SLCO1B3: variants seen among roughly 807,000 people sequenced by gnomAD.
The protein encoded by SLCO1B3 is solute carrier organic anion transporter family member 1B3.
A neutral mutation model predicts 71.8 loss-of-function variants in SLCO1B3; 72 were observed. The ratio of observed to expected loss-of-function variants is 1.00; its 90% CI spans 0.83 to 1.22. SLCO1B3 has a LOEUF of 1.22. Ranked by LOEUF, SLCO1B3 falls within the 50% of genes most tolerant of loss-of-function variation. The pLI is 0.00. For missense variants in SLCO1B3, 911 were observed against 819.7 expected, an observed-to-expected ratio of 1.11 and a Z score of -1.36; for synonymous variants, 298 against 278.4, an observed-to-expected ratio of 1.07 and a Z score of -0.70.
At chr12:20,840,189 T>A (rs567719693) in intron 3 of SLCO1B3, among the ~76,000 whole-genome samples, 2 of 152,306 alleles carry the variant, frequency 1.3e-5, no homozygotes, top group Admixed American at 1.3e-4. Flanking sequence ...TCTAATTGTG[T>A]TATTTGCCTT....
At chr12:20,850,753 C>G (rs935675580) in intron 3 of SLCO1B3, among the ~76,000 whole-genome samples, 3 of 152,078 alleles carry the variant, frequency 2.0e-5, no homozygotes, top group Admixed American at 6.5e-5. Context: ...TGAGAACGTG[C>G]AATATTTGAT....
At chr12:20,905,579 T>C (rs1290331034) in intron 15 of SLCO1B3, among the ~76,000 whole-genome samples, 1 of 152,172 alleles carries the variant, frequency 6.6e-6, no homozygotes, top group East Asian at 1.9e-4. Flanking sequence ...ATCATCTCTC[T>C]CAAGTTGAAA....
chr12:20,824,879 A>G (rs1864388347), intron 3 of SLCO1B3, among the ~76,000 whole-genome samples: 1 of 152,178 alleles, frequency 6.6e-6, no homozygotes, highest in Admixed American at 6.5e-5. Context: ...GAAGTTTAAA[A>G]TACTTAATAT....
At chr12:20,914,619 T>C (rs1054463724) in intron 15 of SLCO1B3, among the ~76,000 whole-genome samples, 3 of 152,162 alleles carry the variant, frequency 2.0e-5, no homozygotes, top group African/African-American at 7.2e-5. Context: ...TTCTTCCATC[T>C]TTATGTATAT....
chr12:20,845,837 T>C (rs1864907437), intron 3 of SLCO1B3, among the ~76,000 whole-genome samples: 1 of 152,184 alleles, frequency 6.6e-6, no homozygotes, highest in Non-Finnish European at 1.5e-5. Context: ...CCACTATAAT[T>C]GTGTTGCTGT....
chr12:20,879,477 G>A lies in SLCO1B3; in HGVS notation c.1177G>A (p.Gly393Arg). 3 of 1,610,200 alleles carry A rather than the reference G, an allele frequency of 1.9e-6. No homozygotes were observed. Among genetic ancestry groups the A allele is most frequent in the African/African-American group, 1.3e-5 (1 of 74,758 alleles). The change falls in exon 11 of 16, where the codon GGA becomes AGA. Residue 393 changes from glycine (G) to arginine (R), a missense_variant. Coordinates refer to ENST00000381545, the MANE Select transcript of SLCO1B3 (RefSeq NM_019844.4). The part of the protein sequence containing the change: ...IPTVATGMFL[G>R]GFIIKKFKLS... ...TACGGTTGCAACTGGAATGTTTTTA[G>A]GAGGATTTATCATTAAAAAATTCAA...
intron 3 of SLCO1B3, among the ~76,000 whole-genome samples, chr12:20,831,106 C>T (rs1403137754): frequency 7.2e-5 from 11 of 152,084 alleles, no homozygotes; most frequent in Admixed American, 7.2e-4. Context: ...CACCTGTAAT[C>T]CCAGCACTTT....
chr12:20,857,756 G>A (rs1166328874), intron 4 of SLCO1B3, among the ~76,000 whole-genome samples: 1 of 151,986 alleles, frequency 6.6e-6, no homozygotes, highest in African/African-American at 2.4e-5. Flanking sequence ...TTTTCCATCA[G>A]TGTTCAATAA....
chr12:20,901,634 A>G (rs1412103609), intron 15 of SLCO1B3, among the ~76,000 whole-genome samples, 167 bp downstream of exon 15: 1 of 152,200 alleles, frequency 6.6e-6, no homozygotes, highest in African/African-American at 2.4e-5. Context: ...TCATTTTAAT[A>G]CTCATAGAAA....
Position 20,825,288 on chromosome 12 carries a change from G to A in SLCO1B3, c.84+9466G>A, listed in dbSNP as rs139232265. 2.1e-3 allele frequency among the ~76,000 whole-genome samples: 318 copies of A among 152,130 alleles called. 4 individuals carry two copies. The highest frequency in any genetic ancestry group is 7.3e-3 in the African/African-American group (305 of 41,504). On this transcript the variant is annotated intron_variant, in intron 3 of 15. Transcript: ENST00000381545. ...GAACTAAGTTTATCTCTCAAAATTGGCCCTTATAATTTCACAGACGCATGT... is the reference window on the plus strand; with the variant it reads ...GAACTAAGTTTATCTCTCAAAATTGACCCTTATAATTTCACAGACGCATGT...
At chr12:20,837,558 A>T (rs1252449621) in intron 3 of SLCO1B3, among the ~76,000 whole-genome samples, 2 of 151,856 alleles carry the variant, frequency 1.3e-5, no homozygotes, top group African/African-American at 2.4e-5. Context: ...TTATCTTGAG[A>T]TTTCCTTTGA....
intron 3 of SLCO1B3, among the ~76,000 whole-genome samples, chr12:20,833,659 T>C (rs1864595858): frequency 9.0e-6 from 1 of 111,448 alleles, no homozygotes; most frequent in Non-Finnish European, 2.1e-5. Context: ...AAACTGTGTG[T>C]GTGCATATAT....
At position 20,883,168 on chromosome 12, in the gene SLCO1B3, A is replaced by G. The variant is rs2053095; in HGVS notation, c.1498-250A>G. On this transcript the variant is annotated intron_variant, in intron 12 of 15. Transcript: ENST00000381545. ...AATGTGTATTTTGGAAAGAAAATGT[A>G]GGTGGAAGAGAAATATTTTAAATAA... 0.72 allele frequency among the ~76,000 whole-genome samples: 110,114 copies of G among 152,062 alleles called. 42,473 individuals carry two copies. The highest frequency in any genetic ancestry group is 0.9 in the South Asian group (4,343 of 4,820).
At chr12:20,854,437 A>T (rs975835021) in intron 3 of SLCO1B3, among the ~76,000 whole-genome samples, 1 of 152,090 alleles carries the variant, frequency 6.6e-6, no homozygotes. Context: ...TGATAATTTT[A>T]TGCCGCTATA....
intron 15 of SLCO1B3, among the ~76,000 whole-genome samples, chr12:20,914,200 A>G (rs1001027236): frequency 6.6e-6 from 1 of 150,882 alleles, no homozygotes; most frequent in African/African-American, 2.4e-5. Context: ...TTTGTATTCC[A>G]CTCTCTGTCT....
At chr12:20,841,072 A>G (rs904944939) in intron 3 of SLCO1B3, among the ~76,000 whole-genome samples, 8 of 152,102 alleles carry the variant, frequency 5.3e-5, no homozygotes, top group East Asian at 3.9e-4. Context: ...CAATTCAATT[A>G]TAGTACATTT....
intron 3 of SLCO1B3, among the ~76,000 whole-genome samples, chr12:20,840,031 G>A (rs73081331): frequency 5.3e-5 from 8 of 151,958 alleles, no homozygotes; most frequent in South Asian, 2.1e-4. Context: ...TTTTTATCTC[G>A]GCTTAAATTG....
chr12:20,914,684 T>G (rs962367620), intron 15 of SLCO1B3, among the ~76,000 whole-genome samples: 1 of 152,172 alleles, frequency 6.6e-6, no homozygotes, highest in Non-Finnish European at 1.5e-5. Flanking sequence ...TAAGATTTCT[T>G]GCAAGGAGAG....
Position 20,899,695 on chromosome 12 carries a change from G to A in SLCO1B3, c.1747+1195G>A, listed in dbSNP as rs12319728. On this transcript the variant is annotated intron_variant, in intron 14 of 15. Coordinates refer to ENST00000381545, the MANE Select transcript of SLCO1B3 (RefSeq NM_019844.4). The stretch of plus-strand genomic sequence containing the variant: ...ACGATACCTCACTCCTGGAATCTGG[G>A]CCACAGAGGCTGAAAATAGCATCTG... Among the ~76,000 whole-genome samples, 698 of 152,260 alleles carry A rather than the reference G, an allele frequency of 4.6e-3. 7 individuals are homozygous for A. The highest frequency in any genetic ancestry group is 0.016 in the African/African-American group (676 of 41,540).
Sources: allele counts gnomAD v4.1 joint callset (sites outside exome capture counted in the v4.1 genomes callset), GRCh38; gene constraint gnomAD v4.1.1; transcripts MANE v1.5; gene names NCBI Gene and HGNC (gene_info 2026-07-23, HGNC 2026-07-21).